The following CNR2 variants were observed in gnomAD, a reference collection of about 807,000 sequenced individuals.
CNR2 encodes the protein cannabinoid receptor 2 (macrophage).
For missense variants in CNR2, 379 were observed against 439.9 expected (o/e 0.86, Z 1.24); for synonymous variants, 172 against 182.2 (o/e 0.94, Z 0.45).
chr1:23,892,917 G>A (rs929382784), intron 1 of CNR2, among the ~76,000 whole-genome samples: 3 of 152,136 alleles, frequency 2.0e-5, no homozygotes, highest in African/African-American at 7.2e-5. Context: ...TTGGGAGGCT[G>A]AGGCAGGAGA....
chr1:23,887,060 C>A (rs1640104903), intron 1 of CNR2, among the ~76,000 whole-genome samples: 2 of 152,172 alleles, frequency 1.3e-5, no homozygotes, highest in South Asian at 4.1e-4. Context: ...TGCACGCCAC[C>A]ATGCCTGGTT....
chr1:23,885,905 G>C (rs1243608407), intron 1 of CNR2, among the ~76,000 whole-genome samples: 1 of 111,508 alleles, frequency 9.0e-6, no homozygotes, highest in South Asian at 2.8e-4. Context: ...GCGGCGGGGG[G>C]GTGGCCAGGC....
intron 1 of CNR2, among the ~76,000 whole-genome samples, chr1:23,887,561 C>T (rs912081696): frequency 6.6e-6 from 1 of 152,270 alleles, no homozygotes; most frequent in African/African-American, 2.4e-5. Context: ...AAGCCAGCAT[C>T]TGACAATGGG....
At chr1:23,899,160 T>G (rs1203966595) in intron 1 of CNR2, among the ~76,000 whole-genome samples, 1 of 152,112 alleles carries the variant, frequency 6.6e-6, no homozygotes, top group Non-Finnish European at 1.5e-5. Context: ...TTCACGATCT[T>G]ATCTATGAGG....
intron 1 of CNR2, among the ~76,000 whole-genome samples, chr1:23,879,306 AAAAC>A (rs1225430821): frequency 1.3e-5 from 2 of 152,108 alleles, no homozygotes; most frequent in African/African-American, 4.8e-5. Flanking sequence ...AAAACAAAAC[AAAAC>A]AAACAAACAA....
intron 1 of CNR2, among the ~76,000 whole-genome samples, chr1:23,910,654 C>CA (rs34083515): frequency 0.72 from 23,338 of 32,524 alleles, 8,548 homozygotes; most frequent in Non-Finnish European, 0.77. Flanking sequence ...AACGCTGTCT[C>CA]AAAAAAAAAA....
At chr1:23,892,082 C>T (rs976851783) in intron 1 of CNR2, among the ~76,000 whole-genome samples, 3 of 152,166 alleles carry the variant, frequency 2.0e-5, no homozygotes, top group African/African-American at 7.2e-5. Flanking sequence ...CCATATTTCT[C>T]ACCCTAGTGT....
chr1:23,910,132 T>C (rs538322736), intron 1 of CNR2, among the ~76,000 whole-genome samples: 85 of 147,260 alleles, frequency 5.8e-4, no homozygotes, highest in African/African-American at 2.0e-3. Flanking sequence ...ATTTTTTTTT[T>C]TTTTTTTTTG....
intron 1 of CNR2, among the ~76,000 whole-genome samples, chr1:23,880,290 G>A (rs1639957717): frequency 1.4e-5 from 2 of 147,886 alleles, no homozygotes; most frequent in Non-Finnish European, 1.5e-5. Context: ...CCTTTCTCTT[G>A]CCTCAGCCTC....
Position 23,872,339 on chromosome 1 carries a change from G to A in CNR2, c.*2196C>T, listed in dbSNP as rs1639778625. The A allele has an allele frequency of 6.6e-6, 1 of 151,830 alleles. No homozygotes were observed. The highest frequency in any genetic ancestry group is 6.6e-5 in the Admixed American group (1 of 15,206). 9.4% of individuals were successfully genotyped at this position (151,830 alleles called of 1,614,324 possible). A position where few individuals can be genotyped will look rare whatever the true frequency, so the allele number is the denominator to read the frequency against. On this transcript the variant is annotated 3_prime_UTR_variant, in exon 2 of 2. Transcript: ENST00000374472. ...TCTTGATTTTGACTTCTGGCCTCCA[G>A]AATTATGAGACAGTAAATTTCTGTT...
chr1:23,878,191 C>G (rs1398141864), intron 1 of CNR2, among the ~76,000 whole-genome samples: 1 of 151,858 alleles, frequency 6.6e-6, no homozygotes, highest in Non-Finnish European at 1.5e-5. Context: ...ATGGGAAAAC[C>G]CCATCTCTAC....
At chr1:23,893,428 G>A (rs1215673132) in intron 1 of CNR2, among the ~76,000 whole-genome samples, 1 of 152,204 alleles carries the variant, frequency 6.6e-6, no homozygotes, top group Non-Finnish European at 1.5e-5. Context: ...CAAACTCTCT[G>A]AGCTTCAGTT....
At chr1:23,894,486 T>C (rs1570714487) in intron 1 of CNR2, among the ~76,000 whole-genome samples, 1 of 99,626 alleles carries the variant, frequency 1.0e-5, no homozygotes, top group African/African-American at 3.8e-5. Context: ...GGAAGGAAGC[T>C]AGGAAGGAAG....
chr1:23,904,321 C>T (rs987478018), intron 1 of CNR2, among the ~76,000 whole-genome samples: 7 of 151,966 alleles, frequency 4.6e-5, no homozygotes, highest in Non-Finnish European at 1.0e-4. Flanking sequence ...TTACAGGCGC[C>T]TGCCACCATG....
At chr1:23,906,527 ATCTT>A (rs1640487782) in intron 1 of CNR2, among the ~76,000 whole-genome samples, 4 of 137,762 alleles carry the variant, frequency 2.9e-5, no homozygotes, top group South Asian at 2.3e-4. Context: ...TTGTTTTCCT[ATCTT>A]TCTTTTTTTT....
At chr1:23,900,084 G>A (rs1480524799) in intron 1 of CNR2, among the ~76,000 whole-genome samples, 2 of 151,322 alleles carry the variant, frequency 1.3e-5, no homozygotes, top group Non-Finnish European at 2.9e-5. Flanking sequence ...CAGTGCTTGA[G>A]ATACTTTGCA....
chr1:23,888,389 C>T (rs1640127110), intron 1 of CNR2, among the ~76,000 whole-genome samples: 1 of 152,068 alleles, frequency 6.6e-6, no homozygotes, highest in African/African-American at 2.4e-5. Flanking sequence ...TGCCATTCTC[C>T]TTGAGATGCC....
intron 1 of CNR2, among the ~76,000 whole-genome samples, chr1:23,901,151 A>C (rs981190460): frequency 7.2e-5 from 11 of 152,112 alleles, no homozygotes; most frequent in African/African-American, 2.7e-4. Context: ...ACCACTTAGT[A>C]TCCAAGAGGG....
Position 23,874,568 on chromosome 1 carries a change from T to C in CNR2, c.1050A>G (p.Pro350=). 1.2e-6 allele frequency: 2 copies of C among 1,614,018 alleles called. No homozygotes were observed. The highest frequency in any genetic ancestry group is 1.7e-6 in the Non-Finnish European group (2 of 1,179,958). The stretch of plus-strand genomic sequence containing the variant: ...CAGAGAGGTCTAGATCTCTGGAATC[T>C]GGCCACGGAGTGATTTTCCCATCAG... ...TEADGKITPW[P]DSRDLDLSDC is the part of the protein sequence containing the mutation. The change falls in exon 2 of 2, where the codon CCA becomes CCG. Residue 350 remains proline, a synonymous_variant. Coordinates refer to ENST00000374472, the MANE Select transcript of CNR2 (RefSeq NM_001841.3).
Sources: gnomAD v4.1 joint callset for allele counts (sites outside exome capture counted in the v4.1 genomes callset) on GRCh38, gnomAD v4.1.1 for gene constraint, MANE v1.5 for transcripts, NCBI Gene and HGNC (gene_info 2026-07-23, HGNC 2026-07-21) for gene names.